The following UNC5D variants were observed in gnomAD, a reference collection of about 807,000 sequenced individuals.
UNC5D encodes the protein unc-5 netrin receptor D.
UNC5D carries 39 observed loss-of-function variants against 105.4 expected under a neutral mutation model. The observed-to-expected ratio is 0.37, with a 90% CI of 0.29 to 0.48. The LOEUF (loss-of-function observed/expected upper bound fraction) is 0.48. Among genes scored for constraint, UNC5D ranks in the 20% least tolerant of loss-of-function variants. UNC5D has a pLI of 0.98. For missense variants in UNC5D, 991 were observed against 1,202.4 expected (o/e 0.82, Z 2.60); for synonymous variants, 452 against 450.4 (o/e 1.00, Z -0.04).
intron 1 of UNC5D, among the ~76,000 whole-genome samples, chr8:35,483,871 G>C (rs935445203): frequency 6.6e-6 from 1 of 152,144 alleles, no homozygotes; most frequent in Non-Finnish European, 1.5e-5. Flanking sequence ...TCTTTAGGCA[G>C]TCACTTAGGC....
At chr8:35,707,591 C>T (rs16884277) in intron 8 of UNC5D, among the ~76,000 whole-genome samples, 2,099 of 152,152 alleles carry the variant, frequency 0.014, 37 homozygotes, top group African/African-American at 0.047. Context: ...ACCTTGCTCC[C>T]GGCCACATGG....
intron 1 of UNC5D, among the ~76,000 whole-genome samples, chr8:35,284,764 A>G (rs368439548): frequency 6.6e-6 from 1 of 151,996 alleles, no homozygotes; most frequent in East Asian, 1.9e-4. Flanking sequence ...GGGTTTCACA[A>G]TGTTAGCCAG....
At chr8:35,462,038 C>T (rs2129672701) in intron 1 of UNC5D, among the ~76,000 whole-genome samples, 1 of 152,156 alleles carries the variant, frequency 6.6e-6, no homozygotes, top group African/African-American at 2.4e-5. Flanking sequence ...TTTTGGTGTC[C>T]TTAAAACTTG....
At chr8:35,647,721 T>C (rs550189655) in intron 4 of UNC5D, among the ~76,000 whole-genome samples, 2 of 152,316 alleles carry the variant, frequency 1.3e-5, no homozygotes, top group South Asian at 4.1e-4. Flanking sequence ...AATGGCAATG[T>C]GCCAGCACTT....
At chr8:35,465,305 C>G (rs1271952323) in intron 1 of UNC5D, among the ~76,000 whole-genome samples, 1 of 152,194 alleles carries the variant, frequency 6.6e-6, no homozygotes, top group Non-Finnish European at 1.5e-5. Flanking sequence ...GGTGGGAAGA[C>G]CACATGTGCC....
chr8:35,669,002 G>C (rs543302909), intron 4 of UNC5D, among the ~76,000 whole-genome samples: 1 of 151,804 alleles, frequency 6.6e-6, no homozygotes, highest in East Asian at 1.9e-4. Context: ...CTTTTCTTCA[G>C]TGGTGTGTCC....
chr8:35,418,371 C>T (rs981582928), intron 1 of UNC5D, among the ~76,000 whole-genome samples: 9 of 152,192 alleles, frequency 5.9e-5, no homozygotes, highest in South Asian at 4.1e-4. Context: ...GTTCCATCTG[C>T]GAGTGCCAAA....
At chr8:35,646,471 T>C (rs1369141441) in intron 4 of UNC5D, among the ~76,000 whole-genome samples, 2 of 152,096 alleles carry the variant, frequency 1.3e-5, no homozygotes, top group East Asian at 3.9e-4. Flanking sequence ...TCATTACCAG[T>C]ACACTGCCTC....
chr8:35,303,053 C>T (rs2128871995), intron 1 of UNC5D, among the ~76,000 whole-genome samples: 1 of 152,046 alleles, frequency 6.6e-6, no homozygotes, highest in East Asian at 1.9e-4. Flanking sequence ...TTATTCAACT[C>T]AATTCATCCA....
intron 1 of UNC5D, among the ~76,000 whole-genome samples, chr8:35,361,459 C>T (rs752203750): frequency 2.8e-4 from 42 of 152,008 alleles, no homozygotes; most frequent in Admixed American, 1.3e-4. Flanking sequence ...GGACAAAAGT[C>T]GCAAAAAAGG....
At chr8:35,584,209 G>T (rs1307616090) in intron 3 of UNC5D, among the ~76,000 whole-genome samples, 3 of 152,150 alleles carry the variant, frequency 2.0e-5, no homozygotes. Flanking sequence ...AAAGAAGCAG[G>T]TGGCAGTGGC....
chr8:35,559,754 A>G (rs1389884786), intron 2 of UNC5D, among the ~76,000 whole-genome samples: 1 of 152,140 alleles, frequency 6.6e-6, no homozygotes, highest in African/African-American at 2.4e-5. Flanking sequence ...CCCTCCTCTT[A>G]CATTTCTCTT....
intron 4 of UNC5D, among the ~76,000 whole-genome samples, chr8:35,623,659 A>G (rs1388040662): frequency 1.3e-5 from 2 of 152,186 alleles, no homozygotes; most frequent in Admixed American, 6.5e-5. Flanking sequence ...CCAACTTTTA[A>G]TATTTTTTTC....
chr8:35,645,626 G>C lies in UNC5D; in HGVS notation c.571-37921G>C, dbSNP rs77742257. On this transcript the variant is annotated intron_variant, in intron 4 of 16. Transcript: ENST00000404895. ...GTAATCTAAGTGAAGTGTTTTTCCT[G>C]GGTGGAAAATTGAGACTCACTTTCC... is the stretch of plus-strand genomic sequence containing the variant. Among the ~76,000 whole-genome samples the C allele has an allele frequency of 5.9e-3, 899 of 151,832 alleles. 12 individuals carry two copies. Among genetic ancestry groups the C allele is most frequent in the African/African-American group, 0.02 (819 of 41,418 alleles).
intron 4 of UNC5D, among the ~76,000 whole-genome samples, chr8:35,601,153 T>A (rs926768410): frequency 1.4e-4 from 21 of 152,224 alleles, no homozygotes; most frequent in African/African-American, 4.8e-4. Flanking sequence ...TGTTCCATTG[T>A]TCTATATCTC....
At chr8:35,403,476 G>A (rs960225888) in intron 1 of UNC5D, among the ~76,000 whole-genome samples, 2 of 152,242 alleles carry the variant, frequency 1.3e-5, no homozygotes, top group African/African-American at 4.8e-5. Context: ...TAAAATGGAA[G>A]AAAGTGCAAA....
intron 7 of UNC5D, among the ~76,000 whole-genome samples, chr8:35,694,645 G>A (rs1233432225): frequency 6.6e-6 from 1 of 152,064 alleles, no homozygotes; most frequent in East Asian, 1.9e-4. Flanking sequence ...TCTGAGTGAA[G>A]CATTTTCCCT....
intron 1 of UNC5D, among the ~76,000 whole-genome samples, chr8:35,288,401 T>A (rs1333467302): frequency 6.6e-6 from 1 of 151,564 alleles, no homozygotes; most frequent in Admixed American, 6.6e-5. Flanking sequence ...TTCGAGCAAA[T>A]AAAAACAGAC....
intron 9 of UNC5D, among the ~76,000 whole-genome samples, chr8:35,724,573 A>T (rs901754689): frequency 2.0e-5 from 3 of 152,204 alleles, no homozygotes; most frequent in African/African-American, 7.2e-5. Flanking sequence ...CGTGGATGCT[A>T]TCATATGTAC....
Sources: gnomAD v4.1 joint callset for allele counts (sites outside exome capture counted in the v4.1 genomes callset) on GRCh38, gnomAD v4.1.1 for gene constraint, MANE v1.5 for transcripts, NCBI Gene and HGNC (gene_info 2026-07-23, HGNC 2026-07-21) for gene names.